KIAA1671: variants seen among roughly 807,000 people sequenced by gnomAD.
KIAA1671 encodes KIAA1671.
KIAA1671 carries 52 observed loss-of-function variants against 131.2 expected under a neutral mutation model. That is an observed-to-expected ratio of 0.40 (90% CI 0.32 to 0.50). The LOEUF (loss-of-function observed/expected upper bound fraction) is 0.50. Among genes scored for constraint, KIAA1671 ranks in the 20% least tolerant of loss-of-function variants. The pLI, the probability that KIAA1671 is intolerant of heterozygous loss-of-function variation, is 0.73. For synonymous variants in KIAA1671, 1,003 were observed against 961.6 expected, an observed-to-expected ratio of 1.04 and a Z score of -0.80; for missense variants, 2,360 against 2,364.2, an observed-to-expected ratio of 1.00 and a Z score of 0.04.
intron 1 of KIAA1671, among the ~76,000 whole-genome samples, chr22:24,992,814 C>CAAAAAAAAAAA (rs761181079): frequency 2.8e-4 from 16 of 57,372 alleles, no homozygotes; most frequent in Non-Finnish European, 3.8e-4. Flanking sequence ...GACTCCGTCT[C>CAAAAAAAAAAA]AAAAAAAAAA....
chr22:24,953,172 A>G (rs1921500663), intron 1 of KIAA1671, among the ~76,000 whole-genome samples: 1 of 152,144 alleles, frequency 6.6e-6, no homozygotes, highest in Non-Finnish European at 1.5e-5. Flanking sequence ...GCGAAGGGTG[A>G]TTCGAGACTG....
chr22:25,034,411 G>A (rs1926475533), intron 4 of KIAA1671, among the ~76,000 whole-genome samples: 1 of 151,478 alleles, frequency 6.6e-6, no homozygotes. Context: ...TTCTGTCCGT[G>A]TAGATTAGTT....
At chr22:25,099,174 C>G (rs1930529892) in intron 6 of KIAA1671, among the ~76,000 whole-genome samples, 1 of 152,068 alleles carries the variant, frequency 6.6e-6, no homozygotes, top group South Asian at 2.1e-4. Flanking sequence ...GTTTTCTTCT[C>G]TGCACAGTGG....
rs568052131 is a variant in KIAA1671 at position 25,096,860 on chromosome 22, G to A, written c.4530+47496G>A. On this transcript the variant is annotated intron_variant, in intron 6 of 12. Coordinates refer to ENST00000358431, the MANE Select transcript of KIAA1671 (RefSeq NM_001145206.2). The stretch of plus-strand genomic sequence containing the variant: ...GTGTGTTGTAGACATGCACGTGAAC[G>A]GAGCCGTGCACTCTGCAGTCTTCTT... Among the ~76,000 whole-genome samples, 3 of 152,298 alleles carry A rather than the reference G, an allele frequency of 2.0e-5. No individual in the cohort carries two copies. In the South Asian group the frequency reaches 6.2e-4, roughly 32 times the overall value.
At chr22:24,984,787 G>GC (rs1172016433) in intron 1 of KIAA1671, among the ~76,000 whole-genome samples, 1 of 151,932 alleles carries the variant, frequency 6.6e-6, no homozygotes, top group African/African-American at 2.4e-5. Context: ...GGCGGCATGT[G>GC]CCTGCAACCC....
At chr22:25,169,645 G>C (rs982705698) in intron 6 of KIAA1671, among the ~76,000 whole-genome samples, 1 of 152,210 alleles carries the variant, frequency 6.6e-6, no homozygotes, top group South Asian at 2.1e-4. Context: ...TTGCGAAGCA[G>C]ACAAATGAGG....
intron 6 of KIAA1671, among the ~76,000 whole-genome samples, chr22:25,148,143 G>C (rs1601357043): frequency 1.3e-5 from 2 of 151,778 alleles, no homozygotes; most frequent in South Asian, 4.2e-4. Flanking sequence ...GCCTAGTGTG[G>C]TCCCGGCACT....
At chr22:25,030,503 C>G (rs1926226620) in intron 3 of KIAA1671, among the ~76,000 whole-genome samples, 1 of 151,942 alleles carries the variant, frequency 6.6e-6, no homozygotes, top group South Asian at 2.1e-4. Context: ...CCACTCCACT[C>G]CAGCCTGGAC....
rs1926099250 is a variant in KIAA1671 at position 25,028,655 on chromosome 22, C to T, written c.656C>T (p.Ser219Leu). The T allele has an allele frequency of 2.6e-6, 4 of 1,551,188 alleles. No homozygotes were observed. In the Admixed American group the frequency reaches 7.8e-5, roughly 30 times the overall value. The change falls in exon 3 of 13, where the codon TCA becomes TTA. Residue 219 changes from serine to leucine, a missense_variant. Around this residue, in one of 3 missense-constraint regions of KIAA1671, gnomAD observed 1,185 missense variants for 1,126.2 expected, o/e 1.05. Transcript: ENST00000358431. Reference protein sequence around the residue: ...QEEAGQDHPPSKASSVEDTAR... With the variant: ...QEEAGQDHPPLKASSVEDTAR... ...GAGGCAGGCCAAGACCATCCTCCCTCAAAGGCCAGCAGTGTGGAGGACACG... is the reference window on the plus strand; with the variant it reads ...GAGGCAGGCCAAGACCATCCTCCCTTAAAGGCCAGCAGTGTGGAGGACACG...
chr22:24,972,372 G>A (rs768101695), intron 1 of KIAA1671, among the ~76,000 whole-genome samples: 55 of 152,090 alleles, frequency 3.6e-4, no homozygotes, highest in Admixed American at 6.6e-4. Context: ...TCTGTCTACC[G>A]TATAGCTGCT....
chr22:24,992,836 A>AAAAAAAAAAAAC, intron 1 of KIAA1671, among the ~76,000 whole-genome samples: 2 of 151,420 alleles, frequency 1.3e-5, no homozygotes, highest in Non-Finnish European at 2.9e-5. Flanking sequence ...AAAAAAAAAA[A>AAAAAAAAAAAAC]AAGACAATGC....
intron 1 of KIAA1671, among the ~76,000 whole-genome samples, chr22:24,991,623 ATT>A (rs34846801): frequency 1.0e-4 from 13 of 128,838 alleles, no homozygotes; most frequent in East Asian, 2.3e-4. Context: ...CGCCCGGCTA[ATT>A]TTTTTTTTTT....
Position 24,972,004 on chromosome 22 carries a change from A to C in KIAA1671, c.-208+19232A>C, listed in dbSNP as rs945819076. Among the ~76,000 whole-genome samples, 5 of 152,216 alleles carry C rather than the reference A, an allele frequency of 3.3e-5. No homozygotes were observed. The East Asian group carries it at 9.7e-4, about 29-fold the overall frequency. On this transcript the variant is annotated intron_variant, in intron 1 of 12. Coordinates refer to ENST00000358431, the MANE Select transcript of KIAA1671 (RefSeq NM_001145206.2). ...CAGCTGGTGACTCAGTTTCCCTTCTACCTGGTCAGGGCTTTGAAGTCCAAG... is the reference window on the plus strand; with the variant it reads ...CAGCTGGTGACTCAGTTTCCCTTCTCCCTGGTCAGGGCTTTGAAGTCCAAG...
At position 25,150,260 on chromosome 22, in the gene KIAA1671, C is replaced by A. The variant is rs565821918; in HGVS notation, c.4531-20560C>A. On this transcript the variant is annotated intron_variant, in intron 6 of 12. Coordinates refer to ENST00000358431, the MANE Select transcript of KIAA1671 (RefSeq NM_001145206.2). ...CTGCATGATGATGTTGCAGAGGAGG[C>A]CACCTGATGGGAGCAGCCACAGTTG... Among the ~76,000 whole-genome samples, 3 of 152,294 alleles carry A rather than the reference C, an allele frequency of 2.0e-5. No individual in the cohort carries two copies. The South Asian group carries it at 6.2e-4, about 32-fold the overall frequency.
rs966465190 is a variant in KIAA1671, at chr22:25,030,279, G to A, written c.1541+739G>A. Among the ~76,000 whole-genome samples the A allele has an allele frequency of 3.5e-4, 54 of 152,338 alleles. No individual in the cohort carries two copies. In the South Asian group the frequency reaches 0.011, roughly 32 times the overall value. On this transcript the variant is annotated intron_variant, in intron 3 of 12. Transcript: ENST00000358431. ...AGGCCGGGCGCGGTGGCTCATGCCT[G>A]TAATCCCAGCACTTCGGGAGGCCGA...
At chr22:25,006,517 G>A (rs989020168) in intron 1 of KIAA1671, among the ~76,000 whole-genome samples, 3 of 152,160 alleles carry the variant, frequency 2.0e-5, no homozygotes, top group Non-Finnish European at 4.4e-5. Flanking sequence ...GGGCTTTGGG[G>A]TTTTTCAGGC....
chr22:24,955,794 G>A (rs1467781037), intron 1 of KIAA1671, among the ~76,000 whole-genome samples: 8 of 152,080 alleles, frequency 5.3e-5, no homozygotes, highest in African/African-American at 1.9e-4. Context: ...GGGAGGCCAA[G>A]GCAGGACGAT....
intron 1 of KIAA1671, chr22:25,013,484 G>A (rs1324198905): frequency 3.3e-5 from 5 of 152,142 alleles, no homozygotes; most frequent in Non-Finnish European, 5.9e-5. Flanking sequence ...AGGATTTGGA[G>A]CTTTGCCAGC....
chr22:25,043,624 A>T (rs1353560271), intron 5 of KIAA1671, among the ~76,000 whole-genome samples: 1 of 152,094 alleles, frequency 6.6e-6, no homozygotes, highest in East Asian at 1.9e-4. Flanking sequence ...CTGGGGAGTG[A>T]TGGGGTGCAG....
Sources: gnomAD v4.1 joint callset for allele counts (sites outside exome capture counted in the v4.1 genomes callset) on GRCh38, gnomAD v4.1.1 for gene constraint, gnomAD v4.1.1 regional missense constraint, MANE v1.5 for transcripts, NCBI Gene and HGNC (gene_info 2026-07-23, HGNC 2026-07-21) for gene names.